Variants in CCDC141 observed in about 807,000 individuals in gnomAD.
CCDC141 encodes coiled-coil domain-containing protein 141.
CCDC141 carries 168 observed loss-of-function variants against 181.0 expected under a neutral mutation model. The ratio of observed to expected loss-of-function variants is 0.93; its 90% CI spans 0.82 to 1.05. The LOEUF is 1.05. CCDC141 is among the 50% of genes least tolerant of loss of function. The pLI is 0.00. For synonymous variants in CCDC141, 666 were observed against 642.3 expected (o/e 1.04, Z -0.56); for missense variants, 1,902 against 1,788.5 (o/e 1.06, Z -1.14).
At chr2:178,889,191 A>G (rs908613385) in intron 8 of CCDC141, among the ~76,000 whole-genome samples, 1 of 129,740 alleles carries the variant, frequency 7.7e-6, no homozygotes, top group African/African-American at 2.9e-5. Flanking sequence ...ACAATTAGAA[A>G]TCAAATATAC....
chr2:179,002,432 C>A, intron 2 of CCDC141: 2 of 376,726 alleles, frequency 5.3e-6, no homozygotes, highest in South Asian at 2.1e-5. Flanking sequence ...TGACTGACAC[C>A]ATGACGCCTC....
At chr2:178,956,565 G>A (rs1390873949) in intron 5 of CCDC141, among the ~76,000 whole-genome samples, 1 of 152,134 alleles carries the variant, frequency 6.6e-6, no homozygotes, top group Admixed American at 6.5e-5. Flanking sequence ...ACCTCCCATA[G>A]TGCTGGTATT....
At chr2:178,914,466 G>A (rs1688353734) in intron 7 of CCDC141, among the ~76,000 whole-genome samples, 1 of 152,118 alleles carries the variant, frequency 6.6e-6, no homozygotes, top group East Asian at 1.9e-4. Context: ...GCTCACTCCA[G>A]GTCCAAACAT....
At chr2:178,940,937 A>T (rs1027448563) in intron 6 of CCDC141, among the ~76,000 whole-genome samples, 7 of 152,356 alleles carry the variant, frequency 4.6e-5, no homozygotes, top group African/African-American at 1.7e-4. Flanking sequence ...ACAGGATTTG[A>T]AAATTAAAGA....
chr2:178,900,829 C>T (rs1344829048), intron 8 of CCDC141, among the ~76,000 whole-genome samples: 1 of 152,128 alleles, frequency 6.6e-6, no homozygotes, highest in Non-Finnish European at 1.5e-5. Flanking sequence ...ACCCTCATGC[C>T]TTAACCAACT....
In CCDC141 at chr2:178,974,477, C is replaced by T. The variant is rs539075701; in HGVS notation, c.526+580G>A. 9.7e-4 allele frequency among the ~76,000 whole-genome samples: 148 copies of T among 152,318 alleles called. 1 individual carries two copies. In the Middle Eastern group the frequency reaches 0.01, roughly 11 times the overall value. ...CCCACACCAAATTCTTGTAGAAAGG[C>T]TTGGCATACAAATTGTTGGTTAACA... is the stretch of plus-strand genomic sequence containing the variant. On this transcript the variant is annotated intron_variant, in intron 4 of 23. Coordinates refer to ENST00000443758, the MANE Select transcript of CCDC141 (RefSeq NM_173648.4).
chr2:179,015,099 TATATAATATATATATAATC>T (rs1454137951), intron 2 of CCDC141, among the ~76,000 whole-genome samples: 12,366 of 50,102 alleles, frequency 0.25, 2,415 homozygotes, highest in Non-Finnish European at 0.4. Flanking sequence ...TATATATATA[TATATAATATATATATAATC>T]ATATATATAT....
At chr2:178,990,843 CT>C (rs985444519) in intron 2 of CCDC141, among the ~76,000 whole-genome samples, 4 of 151,984 alleles carry the variant, frequency 2.6e-5, no homozygotes, top group African/African-American at 7.2e-5. Flanking sequence ...ACAGGGTTTT[CT>C]TTTGGGCTGA....
At chr2:178,941,912 T>C (rs989074751) in intron 6 of CCDC141, among the ~76,000 whole-genome samples, 2 of 129,812 alleles carry the variant, frequency 1.5e-5, no homozygotes, top group African/African-American at 6.0e-5. Context: ...GTGAGTATGA[T>C]TGCACCACTG....
Position 179,049,955 on chromosome 2 carries a change from C to T in CCDC141, c.-14G>A, listed in dbSNP as rs1262587030. The T allele has an allele frequency of 6.5e-7, 1 of 1,550,208 alleles. No homozygotes were observed. The highest frequency in any genetic ancestry group is 1.4e-5 in the African/African-American group (1 of 73,024). On this transcript the variant is annotated 5_prime_UTR_variant, in exon 1 of 24. Coordinates refer to ENST00000443758, the MANE Select transcript of CCDC141 (RefSeq NM_173648.4). ...TTGGCTGGACATGGTACTTTAGAAC[C>T]AGAGTTTATACTTTGGGCAGCCTCT...
intron 17 of CCDC141, among the ~76,000 whole-genome samples, chr2:178,859,775 T>C (rs908739030): frequency 6.6e-6 from 1 of 152,208 alleles, no homozygotes; most frequent in South Asian, 2.1e-4. Flanking sequence ...ATGAGCATCT[T>C]TGCCAAATTT....
At position 179,035,370 on chromosome 2, in the gene CCDC141, A is replaced by G. The variant is rs557589264; in HGVS notation, c.225+11914T>C. ...TTCTTCTGCCTGTGCCTTTTCATTT[A>G]TAAGCACTGCCTTCAAAGTCCCTAT... On this transcript the variant is annotated intron_variant, in intron 2 of 23. Transcript: ENST00000443758. Among the ~76,000 whole-genome samples the G allele has an allele frequency of 2.6e-5, 4 of 152,254 alleles. No homozygotes were observed. The South Asian group carries it at 8.3e-4, about 32-fold the overall frequency.
In CCDC141 at chr2:178,837,848, C is replaced by A. The variant is rs1199443548; in HGVS notation, c.3475-104G>T. The A allele has an allele frequency of 3.5e-6, 4 of 1,154,036 alleles. No individual in the cohort carries two copies. In the South Asian group the frequency reaches 6.4e-5, roughly 18 times the overall value. 71.5% of individuals were successfully genotyped at this position (1,154,036 alleles called of 1,614,324 possible). A position where few individuals can be genotyped will look rare whatever the true frequency, so the allele number is the denominator to read the frequency against. On this transcript the variant is annotated intron_variant, in intron 22 of 23. Coordinates refer to ENST00000443758, the MANE Select transcript of CCDC141 (RefSeq NM_173648.4). ...CAGAGAGATAACTCGAGACAACCTA[C>A]AAGGTTAAAATTTAGGGGGCTGGAG...
chr2:178,969,420 T>C (rs1387835502), intron 4 of CCDC141, among the ~76,000 whole-genome samples: 3 of 152,146 alleles, frequency 2.0e-5, no homozygotes, highest in East Asian at 3.9e-4. Flanking sequence ...AAAAAGCTTA[T>C]CCACCACGAT....
chr2:178,942,272 T>C (rs560584049), intron 6 of CCDC141, among the ~76,000 whole-genome samples: 14 of 152,306 alleles, frequency 9.2e-5, no homozygotes, highest in African/African-American at 2.9e-4. Context: ...TTTGTAGAGA[T>C]GGAATCTCCC....
chr2:178,855,573 C>T (rs1248202145), intron 18 of CCDC141, 32 bp from the exon 19 acceptor site: 3 of 1,462,260 alleles, frequency 2.1e-6, no homozygotes, highest in East Asian at 2.4e-5. Flanking sequence ...TTTTAAACAA[C>T]ATTCAATTTG....
At chr2:178,931,370 A>G (rs1689089328) in intron 6 of CCDC141, among the ~76,000 whole-genome samples, 1 of 152,198 alleles carries the variant, frequency 6.6e-6, no homozygotes, top group Non-Finnish European at 1.5e-5. Context: ...ACCCATATAC[A>G]TGAATGTTCA....
At chr2:178,976,981 T>A (rs1053321116) in intron 3 of CCDC141, among the ~76,000 whole-genome samples, 2 of 152,198 alleles carry the variant, frequency 1.3e-5, no homozygotes, top group African/African-American at 4.8e-5. Flanking sequence ...TGTTTACTTT[T>A]ATCAGTATTT....
intron 22 of CCDC141, among the ~76,000 whole-genome samples, chr2:178,838,389 A>T (rs1024465131): frequency 6.6e-6 from 1 of 152,136 alleles, no homozygotes; most frequent in Non-Finnish European, 1.5e-5. Flanking sequence ...TCCACTAAAC[A>T]CTAACCCCCT....
Sources: allele counts gnomAD v4.1 joint callset (sites outside exome capture counted in the v4.1 genomes callset), GRCh38; gene constraint gnomAD v4.1.1; transcripts MANE v1.5; gene names NCBI Gene and HGNC (gene_info 2026-07-23, HGNC 2026-07-21).